VAT1L: variants seen among roughly 807,000 people sequenced by gnomAD.
VAT1L encodes vesicle amine transport 1 like, also known as putative NADPH-dependent quinone oxidoreductase VAT1L.
VAT1L carries 34 observed loss-of-function variants against 44.1 expected under a neutral mutation model. The ratio of observed to expected loss-of-function variants is 0.77; its 90% CI spans 0.59 to 1.03. The LOEUF is 1.03. VAT1L is among the 50% of genes least tolerant of loss of function. The pLI, the probability that VAT1L is intolerant of heterozygous loss-of-function variation, is 0.00. For synonymous variants in VAT1L, 253 were observed against 202.2 expected (o/e 1.25, Z -2.13); for missense variants, 615 against 538.8 (o/e 1.14, Z -1.40).
chr16:77,788,911 G>C lies in VAT1L; in HGVS notation c.229G>C (p.Ala77Pro). Residue 77 changes from alanine (A) to proline (P), a missense_variant, in exon 1 of 9, where the codon GCC (alanine) becomes CCC (proline). Coordinates refer to ENST00000302536, the MANE Select transcript of VAT1L (RefSeq NM_020927.3). ...QDGELKIRVKACGLNFIDLMV... is the reference protein window; with the variant it reads ...QDGELKIRVKPCGLNFIDLMV... ...CGGCGAGCTCAAGATCCGCGTCAAA[G>C]CCTGGTCCAGTATCCGCGCCTTTCT... The C allele has an allele frequency of 6.6e-7, 1 of 1,509,214 alleles. No individual in the cohort carries two copies. Among genetic ancestry groups the C allele is most frequent in the Non-Finnish European group, 8.8e-7 (1 of 1,130,188 alleles). The allele number at this position is 1,509,214 out of a possible 1,614,324, so 93.5% of individuals were successfully genotyped here. A position where few individuals can be genotyped will look rare whatever the true frequency, so the allele number is the denominator to read the frequency against.
At position 77,968,019 on chromosome 16, in the gene VAT1L, G is replaced by T. The variant is rs191410497; in HGVS notation, c.1078-3831G>T. ...ATTGCTTCTATTTTTGAGCATCAGG[G>T]TACATTATCTGTAAAATGGGGATAT... On this transcript the variant is annotated intron_variant, in intron 7 of 8. Coordinates refer to ENST00000302536, the MANE Select transcript of VAT1L (RefSeq NM_020927.3). Among the ~76,000 whole-genome samples, 603 of 152,212 alleles carry T rather than the reference G, an allele frequency of 4.0e-3. 6 individuals carry two copies. The highest frequency in any genetic ancestry group is 0.014 in the African/African-American group (588 of 41,524).
chr16:77,916,003 C>A (rs1010321458), intron 7 of VAT1L, among the ~76,000 whole-genome samples: 1 of 152,200 alleles, frequency 6.6e-6, no homozygotes, highest in African/African-American at 2.4e-5. Context: ...CATACTTAAG[C>A]ATCAACTCCC....
rs376523400 is a variant in VAT1L at position 77,823,051 on chromosome 16, C to T, written c.364-2195C>T. Among the ~76,000 whole-genome samples, 4 of 152,108 alleles carry T rather than the reference C, an allele frequency of 2.6e-5. No individual in the cohort carries two copies. In the East Asian group the frequency reaches 7.8e-4, roughly 30 times the overall value. ...GTCTGTTGTCTTTATACTATATCAT[C>T]CTGTAGCCAAACGGACAATCAAGTC... On this transcript the variant is annotated intron_variant, in intron 2 of 8. Transcript: ENST00000302536.
chr16:77,925,984 C>G (rs975694111), intron 7 of VAT1L, among the ~76,000 whole-genome samples: 2 of 152,024 alleles, frequency 1.3e-5, no homozygotes, highest in African/African-American at 2.4e-5. Flanking sequence ...GAGTCGGGGC[C>G]GGGTGCGGTG....
chr16:77,856,297 T>C (rs1002267207), intron 3 of VAT1L, among the ~76,000 whole-genome samples: 2 of 152,112 alleles, frequency 1.3e-5, no homozygotes, highest in Non-Finnish European at 2.9e-5. Context: ...ATTATAGACA[T>C]TTTCCTAAGC....
chr16:77,888,957 T>C (rs1285410286), intron 7 of VAT1L, among the ~76,000 whole-genome samples: 1 of 152,236 alleles, frequency 6.6e-6, no homozygotes, highest in African/African-American at 2.4e-5. Flanking sequence ...ACCGACTTTC[T>C]GCCGGCTTTC....
chr16:77,975,770 A>G (rs1303969648), intron 8 of VAT1L, among the ~76,000 whole-genome samples: 1 of 152,232 alleles, frequency 6.6e-6, no homozygotes, highest in African/African-American at 2.4e-5. Flanking sequence ...TCATGAGGTC[A>G]GAGCAGAGGC....
intron 1 of VAT1L, among the ~76,000 whole-genome samples, chr16:77,789,894 C>G (rs3898129): frequency 0.21 from 31,329 of 152,024 alleles, 4,046 homozygotes; most frequent in African/African-American, 0.36. Context: ...AAGAGCTTAC[C>G]CAGCAGAGGC....
intron 1 of VAT1L, among the ~76,000 whole-genome samples, chr16:77,806,623 G>C (rs1164080325): frequency 6.6e-6 from 1 of 152,236 alleles, no homozygotes; most frequent in South Asian, 2.1e-4. Flanking sequence ...GATTACAGGC[G>C]TGAGCCACCG....
chr16:77,918,775 C>T (rs1348680932), intron 7 of VAT1L, among the ~76,000 whole-genome samples: 6 of 152,196 alleles, frequency 3.9e-5, no homozygotes, highest in Non-Finnish European at 7.3e-5. Context: ...TCTCCTCCTT[C>T]CAACTCTGAG....
rs889269284 is a variant in VAT1L at position 77,925,055 on chromosome 16, G to A, written c.1077+40253G>A. On this transcript the variant is annotated intron_variant, in intron 7 of 8. Transcript: ENST00000302536. ...TTTGAGAACATGGGTGGTCCGTTAT[G>A]TAAAGCTCCTCATGGAATGTTCAGC... 3.1e-4 allele frequency among the ~76,000 whole-genome samples: 47 copies of A among 152,170 alleles called. 1 individual carries two copies. Among genetic ancestry groups the A allele is most frequent in the African/African-American group, 1.1e-3 (47 of 41,460 alleles).
chr16:77,927,489 T>G (rs1040617612), intron 7 of VAT1L, among the ~76,000 whole-genome samples: 4 of 152,196 alleles, frequency 2.6e-5, no homozygotes, highest in Non-Finnish European at 5.9e-5. Flanking sequence ...ATCTGCACTC[T>G]TTAGCCACTA....
At chr16:77,803,036 A>C (rs948190549) in intron 1 of VAT1L, among the ~76,000 whole-genome samples, 8 of 152,090 alleles carry the variant, frequency 5.3e-5, no homozygotes, top group Non-Finnish European at 7.4e-5. Context: ...TCCTACTTAC[A>C]CCTTCAGTGC....
At chr16:77,966,757 T>G (rs1180113947) in intron 7 of VAT1L, among the ~76,000 whole-genome samples, 1 of 152,100 alleles carries the variant, frequency 6.6e-6, no homozygotes, top group Non-Finnish European at 1.5e-5. Flanking sequence ...TTATGGTGAT[T>G]AAGTCTGTGA....
chr16:77,896,026 G>T (rs948374163), intron 7 of VAT1L, among the ~76,000 whole-genome samples: 3 of 152,208 alleles, frequency 2.0e-5, no homozygotes, highest in Non-Finnish European at 2.9e-5. Flanking sequence ...ACAGAAGAAA[G>T]GTTCATCAGG....
At chr16:77,805,738 G>C (rs1022197333) in intron 1 of VAT1L, among the ~76,000 whole-genome samples, 2 of 151,834 alleles carry the variant, frequency 1.3e-5, no homozygotes, top group Admixed American at 1.3e-4. Context: ...CGTGATCTCC[G>C]ACTTCCCACA....
chr16:77,876,539 G>T (rs1041215782), intron 5 of VAT1L, 66 bp downstream of exon 5: 5 of 1,428,164 alleles, frequency 3.5e-6, no homozygotes, highest in East Asian at 2.3e-5. Flanking sequence ...GCCTGCAAAG[G>T]CTCTGAAAAG....
intron 1 of VAT1L, among the ~76,000 whole-genome samples, chr16:77,796,278 T>C (rs1216025358): frequency 2.0e-5 from 3 of 152,202 alleles, no homozygotes; most frequent in African/African-American, 7.2e-5. Context: ...TAGCTGATGA[T>C]GGGCAAAGGG....
chr16:77,914,319 T>A (rs1199402874), intron 7 of VAT1L, among the ~76,000 whole-genome samples: 1 of 152,234 alleles, frequency 6.6e-6, no homozygotes, highest in Non-Finnish European at 1.5e-5. Flanking sequence ...CTTTTGAGGT[T>A]GTATGCATTC....
Sources: gnomAD v4.1 joint callset for allele counts (sites outside exome capture counted in the v4.1 genomes callset) on GRCh38, gnomAD v4.1.1 for gene constraint, MANE v1.5 for transcripts, NCBI Gene and HGNC (gene_info 2026-07-23, HGNC 2026-07-21) for gene names.